Variants in SLC9A4 observed in about 807,000 individuals in gnomAD.
SLC9A4 encodes the protein solute carrier family 9 member A4.
Under a neutral mutation model 67.4 loss-of-function variants are expected in SLC9A4, and 63 were observed. The ratio of observed to expected loss-of-function variants is 0.93; its 90% CI spans 0.76 to 1.15. SLC9A4 has a LOEUF of 1.15. SLC9A4 is among the 50% of genes most tolerant of loss of function. SLC9A4 has a pLI of 0.00. For missense variants in SLC9A4, 1,089 were observed against 987.7 expected, an observed-to-expected ratio of 1.10 and a Z score of -1.38; for synonymous variants, 393 against 367.2, an observed-to-expected ratio of 1.07 and a Z score of -0.80.
At chr2:102,518,544 G>A (rs1031565394) in intron 8 of SLC9A4, among the ~76,000 whole-genome samples, 19 of 152,180 alleles carry the variant, frequency 1.2e-4, no homozygotes, top group Non-Finnish European at 2.4e-4. Context: ...TTACGATATG[G>A]AAACTGATTT....
At chr2:102,529,185 C>T (rs2104451505) in intron 11 of SLC9A4, among the ~76,000 whole-genome samples, 1 of 152,328 alleles carries the variant, frequency 6.6e-6, no homozygotes, top group African/African-American at 2.4e-5. Flanking sequence ...CATGTCAGTT[C>T]TACATGAATT....
intron 2 of SLC9A4, among the ~76,000 whole-genome samples, chr2:102,482,398 T>A (rs557032390): frequency 5.3e-5 from 8 of 152,300 alleles, no homozygotes; most frequent in African/African-American, 1.9e-4. Context: ...TATGTTGATA[T>A]AAAATGATGA....
At position 102,473,818 on chromosome 2, in the gene SLC9A4, C is replaced by T; in HGVS notation, c.59C>T (p.Ala20Val). 1.2e-6 allele frequency: 2 copies of T among 1,614,110 alleles called. No individual in the cohort carries two copies. Among genetic ancestry groups the T allele is most frequent in the Non-Finnish European group, 1.7e-6 (2 of 1,179,968 alleles). ...TGGAATTGTTTGCTACTGCTAGTGG[C>T]TCTTGAGTGTTCTGAAGCATCTTCT... ...SPWNCLLLLV[A>V]LECSEASSDL... Residue 20 changes from alanine (A) to valine (V), a missense_variant, in exon 1 of 12, where the codon GCT becomes GTT. Transcript: ENST00000295269.
chr2:102,523,797 C>T (rs139173974), intron 9 of SLC9A4, among the ~76,000 whole-genome samples: 2 of 152,300 alleles, frequency 1.3e-5, no homozygotes, highest in African/African-American at 2.4e-5. Context: ...TTTTCCAGCA[C>T]ATCCTCTGAC....
rs1294016019 is a variant in SLC9A4 at position 102,479,030 on chromosome 2, C to A, written c.448C>A (p.Pro150Thr). Reference sequence around the variant, plus strand: ...GGGCGGCTACTTCATGCCCACCCGGCCCTTCTTTGAGAACATCGGCTCCAT... The same window carrying A: ...GGGCGGCTACTTCATGCCCACCCGGACCTTCTTTGAGAACATCGGCTCCAT... ...LEGGYFMPTRPFFENIGSILW... is the reference protein window; with the variant it reads ...LEGGYFMPTRTFFENIGSILW... Residue 150 changes from proline (P) to threonine (T), a missense_variant, in exon 2 of 12, where the codon CCC becomes ACC. By Grantham distance (38) the Pro-to-Thr change is conservative. Transcript: ENST00000295269. 6.2e-7 allele frequency: 1 copy of A among 1,614,176 alleles called. No homozygotes were observed. Among genetic ancestry groups the A allele is most frequent in the Non-Finnish European group, 8.5e-7 (1 of 1,180,048 alleles).
rs779309680 is a variant in SLC9A4 at position 102,503,719 on chromosome 2, C to T, written c.980+12C>T. On this transcript the variant is annotated intron_variant, in intron 3 of 11. Transcript: ENST00000295269. ...TCCGGCATCCTGGCGTGAGTACAAA[C>T]CAAGGATCAAGTCACATAGTAATAG... The T allele has an allele frequency of 4.3e-6, 7 of 1,612,754 alleles. No individual in the cohort carries two copies. In the Admixed American group the frequency reaches 1.2e-4, roughly 27 times the overall value.
At chr2:102,528,317 AT>A (rs144061979) in intron 11 of SLC9A4, among the ~76,000 whole-genome samples, 1 of 151,934 alleles carries the variant, frequency 6.6e-6, no homozygotes, top group South Asian at 2.1e-4. Context: ...CGATAGTTTA[AT>A]TTTTTTAAAC....
At chr2:102,480,403 GC>G (rs1183888707) in intron 2 of SLC9A4, among the ~76,000 whole-genome samples, 1 of 146,956 alleles carries the variant, frequency 6.8e-6, no homozygotes, top group African/African-American at 2.5e-5. Context: ...CACTCTTGTT[GC>G]CCAGGCTGGA....
chr2:102,479,009 G>T lies in SLC9A4; in HGVS notation c.427G>T (p.Gly143Cys). 6.2e-7 allele frequency: 1 copy of T among 1,614,180 alleles called. No individual in the cohort carries two copies. The highest frequency in any genetic ancestry group is 8.5e-7 in the Non-Finnish European group (1 of 1,180,048). Residue 143 changes from glycine to cysteine, a missense_variant, in exon 2 of 12, where the codon GGC becomes TGC. Physicochemically the swap from Gly to Cys is radical, Grantham distance 159. Transcript: ENST00000295269. ...YLLPPIVLEG[G>C]YFMPTRPFFE... The stretch of plus-strand genomic sequence containing the variant: ...CCTGCCACCCATCGTTCTGGAGGGC[G>T]GCTACTTCATGCCCACCCGGCCCTT...
chr2:102,513,552 G>A (rs1046103229), intron 7 of SLC9A4, among the ~76,000 whole-genome samples: 2 of 117,712 alleles, frequency 1.7e-5, no homozygotes, highest in Non-Finnish European at 3.6e-5. Context: ...AGGCTATTGG[G>A]ACATACGTAG....
chr2:102,476,684 A>G (rs1267417123), intron 1 of SLC9A4, among the ~76,000 whole-genome samples: 1 of 152,106 alleles, frequency 6.6e-6, no homozygotes, highest in Non-Finnish European at 1.5e-5. Flanking sequence ...GAGAAGGAAA[A>G]CGGTAAGGAG....
chr2:102,495,552 T>C (rs972326639), intron 2 of SLC9A4, among the ~76,000 whole-genome samples: 1 of 152,130 alleles, frequency 6.6e-6, no homozygotes, highest in Non-Finnish European at 1.5e-5. Flanking sequence ...CTAGATTACA[T>C]GAAGCAATGT....
At chr2:102,507,975 G>T in intron 4 of SLC9A4, 104 bp from the exon 5 acceptor site, 1 of 1,029,328 alleles carries the variant, frequency 9.7e-7, no homozygotes, top group South Asian at 1.3e-5. Flanking sequence ...GATGGAATTA[G>T]GCTGCATTGT....
intron 10 of SLC9A4, 96 bp from the exon 11 acceptor site, chr2:102,526,163 C>T (rs1437746934): frequency 5.4e-6 from 7 of 1,301,052 alleles, no homozygotes; most frequent in African/African-American, 4.4e-5. Flanking sequence ...GCTGGGATTA[C>T]AGGCGTGAGC....
In SLC9A4 at chr2:102,505,328, A is replaced by G. The variant is rs1447884576; in HGVS notation, c.1055A>G (p.Lys352Arg). The change falls in exon 4 of 12, where the codon AAG (lysine) becomes AGG (arginine). Residue 352 changes from lysine (K) to arginine (R), a missense_variant. Coordinates refer to ENST00000295269, the MANE Select transcript of SLC9A4 (RefSeq NM_001011552.4). ...NVSQTSYTTIKYFMKMLSSVS... is the reference protein window; with the variant it reads ...NVSQTSYTTIRYFMKMLSSVS... ...TCCCAGACATCATACACGACCATCA[A>G]GTACTTCATGAAGATGCTGAGCAGC... The G allele has an allele frequency of 6.2e-7, 1 of 1,614,218 alleles. No individual in the cohort carries two copies. The highest frequency in any genetic ancestry group is 8.5e-7 in the Non-Finnish European group (1 of 1,180,038).
intron 11 of SLC9A4, among the ~76,000 whole-genome samples, chr2:102,532,096 C>T (rs938778979): frequency 6.6e-6 from 1 of 152,204 alleles, no homozygotes; most frequent in Non-Finnish European, 1.5e-5. Context: ...CTTGATACAG[C>T]ATTTTGCATG....
At chr2:102,493,502 C>T (rs920987457) in intron 2 of SLC9A4, among the ~76,000 whole-genome samples, 4 of 151,788 alleles carry the variant, frequency 2.6e-5, no homozygotes, top group African/African-American at 9.7e-5. Flanking sequence ...CTTTATAAAA[C>T]CATCAGATCT....
Position 102,512,143 on chromosome 2 carries a change from C to T in SLC9A4, c.1489-60C>T, listed in dbSNP as rs142150459. On this transcript the variant is annotated intron_variant, in intron 6 of 11. Transcript: ENST00000295269. ...TGTTTTTTAAAGTGTCTTAGTTGTC[C>T]TGTGTGTCTTTCAGAGTTCGCGTTT... The T allele has an allele frequency of 2.5e-3, 3,879 of 1,583,234 alleles. 88 individuals carry two copies. The African/African-American group carries it at 0.046, about 19-fold the overall frequency.
Position 102,525,167 on chromosome 2 carries a change from C to A in SLC9A4, c.1950+12C>A. The A allele has an allele frequency of 1.2e-6, 2 of 1,613,756 alleles. No homozygotes were observed. The highest frequency in any genetic ancestry group is 2.2e-5 in the South Asian group (2 of 91,046). On this transcript the variant is annotated intron_variant, in intron 10 of 11. Transcript: ENST00000295269. ...CCTGGGGAAAGCCGGTACATTGGGG[C>A]TGGGGACTGGGACATTCCTTCAGTG...
Sources: gnomAD v4.1 joint callset for allele counts (sites outside exome capture counted in the v4.1 genomes callset) on GRCh38, gnomAD v4.1.1 for gene constraint, MANE v1.5 for transcripts, NCBI Gene and HGNC (gene_info 2026-07-23, HGNC 2026-07-21) for gene names.